CALU: variants seen among roughly 807,000 people sequenced by gnomAD.
CALU encodes calumenin, also known as IEF SSP 9302.
Under a neutral mutation model 37.5 loss-of-function variants are expected in CALU, and 13 were observed. That is an observed-to-expected ratio of 0.35 (90% CI 0.23 to 0.55). The LOEUF is 0.55. CALU is among the 20% of genes least tolerant of loss of function. CALU has a pLI of 0.89. For synonymous variants in CALU, 114 were observed against 133.8 expected (o/e 0.85, Z 1.02); for missense variants, 282 against 391.7 (o/e 0.72, Z 2.36).
At chr7:128,757,550 A>G (rs916313259) in intron 3 of CALU, among the ~76,000 whole-genome samples, 1 of 152,054 alleles carries the variant, frequency 6.6e-6, no homozygotes, top group African/African-American at 2.4e-5. Context: ...AGACTGAACA[A>G]TCTCAAAGGT....
rs35355395 is a variant in CALU at position 128,770,576 on chromosome 7, CAA to C, written c.*1423_*1424del. ...CCTCCTCTTTCCCTCTCCCCGCTGC[CAA>C]AAAAAAAAAAAAAGGAAACGTTTAT... On this transcript the variant is annotated 3_prime_UTR_variant, in exon 7 of 7. Transcript: ENST00000249364. The C allele has an allele frequency of 7.5e-4, 92 of 122,470 alleles. No homozygotes were observed. Among genetic ancestry groups the C allele is most frequent in the Admixed American group, 1.2e-3 (14 of 11,832 alleles). The allele number at this position is 122,470 out of a possible 1,614,324, so 7.6% of individuals were successfully genotyped here. A position where few individuals can be genotyped will look rare whatever the true frequency, so the allele number is the denominator to read the frequency against.
At position 128,758,936 on chromosome 7, in the gene CALU, A is replaced by C. The variant is rs1800991993; in HGVS notation, c.481A>C (p.Lys161Gln). 2 of 1,613,736 alleles carry C rather than the reference A, an allele frequency of 1.2e-6. No individual in the cohort carries two copies. The highest frequency in any genetic ancestry group is 4.5e-5 in the East Asian group (2 of 44,888). Reference protein sequence around the residue: ...QMMVRDERRFKMADKDGDLIA... With the variant: ...QMMVRDERRFQMADKDGDLIA... ...GATGGTTAGAGATGAGCGGAGGTTT[A>C]AAATGGCAGACAAGGATGGAGACCT... Residue 161 changes from lysine (K) to glutamine (Q), a missense_variant, in exon 4 of 7, where the codon AAA becomes CAA. Coordinates refer to ENST00000249364, the MANE Select transcript of CALU (RefSeq NM_001219.5).
intron 2 of CALU, among the ~76,000 whole-genome samples, chr7:128,749,854 C>T (rs1178989538): frequency 6.6e-6 from 1 of 152,100 alleles, no homozygotes; most frequent in African/African-American, 2.4e-5. Flanking sequence ...AGTTAGTTTT[C>T]TATTAGGTTG....
chr7:128,739,941 A>G (rs4731513), intron 1 of CALU, among the ~76,000 whole-genome samples: 43,980 of 152,088 alleles, frequency 0.29, 7,041 homozygotes, highest in Non-Finnish European at 0.36. Flanking sequence ...GTGCAGAAAC[A>G]AGGGGGGAGA....
At chr7:128,752,526 T>C (rs1800715220) in intron 2 of CALU, among the ~76,000 whole-genome samples, 1 of 152,216 alleles carries the variant, frequency 6.6e-6, no homozygotes, top group Admixed American at 6.5e-5. Context: ...TGGTAGCCAG[T>C]ACCATTTGAG....
intron 3 of CALU, among the ~76,000 whole-genome samples, chr7:128,757,006 G>A (rs1043949123): frequency 6.6e-6 from 1 of 151,928 alleles, no homozygotes; most frequent in Admixed American, 6.6e-5. Flanking sequence ...TTGAGCCCCA[G>A]AGTCCAAGAC....
At position 128,772,446 on chromosome 7, in the gene CALU, G is replaced by C; in HGVS notation, c.*3279G>C. 1 of 1,482,856 alleles carries C rather than the reference G, an allele frequency of 6.7e-7. No individual in the cohort carries two copies. Among genetic ancestry groups the C allele is most frequent in the Non-Finnish European group, 9.3e-7 (1 of 1,070,878 alleles). 91.9% of individuals were successfully genotyped at this position (1,482,856 alleles called of 1,614,324 possible). A position where few individuals can be genotyped will look rare whatever the true frequency, so the allele number is the denominator to read the frequency against. On this transcript the variant is annotated 3_prime_UTR_variant, in exon 7 of 7. Transcript: ENST00000249364. Reference sequence around the variant, plus strand: ...TCACTCCTTTTACCATCTTTTTTGTGTTTTTAGTAGTTTGGTTTCTGACGG... The same window carrying C: ...TCACTCCTTTTACCATCTTTTTTGTCTTTTTAGTAGTTTGGTTTCTGACGG...
In CALU at chr7:128,772,619, A is replaced by C. The variant is rs1801631857; in HGVS notation, c.*3452A>C. ...GCTGCATGTGTCGGATTCATCTGTC[A>C]TGGCCTTCCCACACACCATCTTCAT... On this transcript the variant is annotated 3_prime_UTR_variant, in exon 7 of 7. Coordinates refer to ENST00000249364, the MANE Select transcript of CALU (RefSeq NM_001219.5). The C allele has an allele frequency of 6.2e-7, 1 of 1,614,154 alleles. No individual in the cohort carries two copies. Among genetic ancestry groups the C allele is most frequent in the South Asian group, 1.1e-5 (1 of 91,084 alleles).
At position 128,771,203 on chromosome 7, in the gene CALU, T is replaced by A. The variant is rs1052604677; in HGVS notation, c.*2036T>A. 5.2e-5 allele frequency: 8 copies of A among 152,458 alleles called. No individual in the cohort carries two copies. The highest frequency in any genetic ancestry group is 1.9e-4 in the African/African-American group (8 of 41,442). The allele number at this position is 152,458 out of a possible 1,614,324, so 9.4% of individuals were successfully genotyped here. A position where few individuals can be genotyped will look rare whatever the true frequency, so the allele number is the denominator to read the frequency against. On this transcript the variant is annotated 3_prime_UTR_variant, in exon 7 of 7. Coordinates refer to ENST00000249364, the MANE Select transcript of CALU (RefSeq NM_001219.5). ...GAGCCCAGGCCTTATGTTAAAATCA[T>A]GCACTTGAAAAGCAAACCTTAATCT...
chr7:128,747,999 G>T (rs1246473236), intron 1 of CALU: 2 of 186,464 alleles, frequency 1.1e-5, no homozygotes, highest in African/African-American at 4.7e-5. Flanking sequence ...TTGGAGACTT[G>T]GTGCTATAGA....
chr7:128,759,085 T>C (rs761878150), intron 4 of CALU, 48 bp downstream of exon 4: 1 of 1,473,498 alleles, frequency 6.8e-7, no homozygotes, highest in South Asian at 1.2e-5. Context: ...TCTCTTTTTG[T>C]GGCTTATTCT....
chr7:128,768,156 G>A (rs1801405198), intron 6 of CALU, among the ~76,000 whole-genome samples: 2 of 152,036 alleles, frequency 1.3e-5, no homozygotes, highest in African/African-American at 4.8e-5. Flanking sequence ...TAAAAGTATT[G>A]TTGTCCCTAA....
chr7:128,769,229 G>A lies in CALU; in HGVS notation c.*62G>A, dbSNP rs760700810. On this transcript the variant is annotated 3_prime_UTR_variant, in exon 7 of 7. Transcript: ENST00000249364. ...ATTTTTACAGCTTCTGGTTTCACATGAAATTGTTTGCGCTACTGAGACTGT... is the reference window on the plus strand; with the variant it reads ...ATTTTTACAGCTTCTGGTTTCACATAAAATTGTTTGCGCTACTGAGACTGT... 278 of 898,078 alleles carry A rather than the reference G, an allele frequency of 3.1e-4. No homozygotes were observed. The highest frequency in any genetic ancestry group is 1.2e-3 in the Admixed American group (51 of 42,922). 55.6% of individuals were successfully genotyped at this position (898,078 alleles called of 1,614,324 possible).
intron 5 of CALU, among the ~76,000 whole-genome samples, chr7:128,764,071 C>T (rs564199832): frequency 6.6e-6 from 1 of 152,200 alleles, no homozygotes; most frequent in East Asian, 1.9e-4. Flanking sequence ...ACAGCATTCC[C>T]TTATGTGTTT....
chr7:128,759,961 C>G (rs1001832911), intron 5 of CALU, 109 bp downstream of exon 5: 5 of 667,420 alleles, frequency 7.5e-6, no homozygotes, highest in African/African-American at 5.4e-5. Flanking sequence ...ACTGGGAGGC[C>G]GAGGCGGGCA....
At chr7:128,752,751 C>G (rs1161075054) in intron 2 of CALU, among the ~76,000 whole-genome samples, 1 of 152,196 alleles carries the variant, frequency 6.6e-6, no homozygotes, top group East Asian at 1.9e-4. Context: ...GTGGCGCGAT[C>G]TCAACTCATT....
Position 128,769,433 on chromosome 7 carries a change from T to G in CALU, c.*266T>G, listed in dbSNP as rs1378225899. The G allele has an allele frequency of 4.4e-6, 1 of 228,358 alleles. No individual in the cohort carries two copies. The highest frequency in any genetic ancestry group is 1.5e-3 in the Middle Eastern group (1 of 662). 14.1% of individuals were successfully genotyped at this position (228,358 alleles called of 1,614,324 possible). On this transcript the variant is annotated 3_prime_UTR_variant, in exon 7 of 7. Transcript: ENST00000249364. ...TTAACATGGCGTGTTTATTTTTGTATTTTTCTCTGGTTGGGAGTATGATAT... is the reference window on the plus strand; with the variant it reads ...TTAACATGGCGTGTTTATTTTTGTAGTTTTCTCTGGTTGGGAGTATGATAT...
intron 5 of CALU, 113 bp from the exon 6 acceptor site, chr7:128,767,343 C>G: frequency 1.3e-6 from 1 of 791,358 alleles, no homozygotes; most frequent in Middle Eastern, 2.3e-4. Flanking sequence ...ACCCTTGTAG[C>G]TGCTGTTGGG....
intron 5 of CALU, among the ~76,000 whole-genome samples, chr7:128,760,284 A>G (rs1801057464): frequency 6.6e-6 from 1 of 152,206 alleles, no homozygotes; most frequent in Non-Finnish European, 1.5e-5. Context: ...CTGTCACCAG[A>G]TCATTAACCA....
Sources: gnomAD v4.1 joint callset for allele counts (sites outside exome capture counted in the v4.1 genomes callset) on GRCh38, gnomAD v4.1.1 for gene constraint, MANE v1.5 for transcripts, NCBI Gene and HGNC (gene_info 2026-07-23, HGNC 2026-07-21) for gene names.